The following SCGB2B2 variants were observed in gnomAD, a reference collection of about 807,000 sequenced individuals.
SCGB2B2 encodes the protein secretoglobin family 2B member 2.
In SCGB2B2, 11 loss-of-function variants were observed where a neutral mutation model predicts 7.6. The observed-to-expected ratio is 1.45, with a 90% CI of 0.91 to 2.40. The LOEUF (loss-of-function observed/expected upper bound fraction) is 2.40. SCGB2B2 is among the 30% of genes most tolerant of loss of function. The probability of loss-of-function intolerance (pLI) is 0.00; values close to 1 mark genes in which losing one functional copy is unlikely to be tolerated. For synonymous variants in SCGB2B2, 50 were observed against 48.6 expected (o/e 1.03, Z -0.12); for missense variants, 104 against 115.4 (o/e 0.90, Z 0.45).
At chr19:34,598,295 G>A (rs1214427391) in intron 1 of SCGB2B2, among the ~76,000 whole-genome samples, 1 of 152,188 alleles carries the variant, frequency 6.6e-6, no homozygotes, top group African/African-American at 2.4e-5. Flanking sequence ...GCGTGGAATG[G>A]GGTCTGTAGG....
intron 1 of SCGB2B2, among the ~76,000 whole-genome samples, chr19:34,643,204 T>C (rs1003819828): frequency 6.6e-6 from 1 of 152,204 alleles, no homozygotes; most frequent in African/African-American, 2.4e-5. Flanking sequence ...GTGGTACATA[T>C]ACACAATGGA....
chr19:34,662,559 A>G (rs898977700), intron 1 of SCGB2B2, among the ~76,000 whole-genome samples: 4 of 152,144 alleles, frequency 2.6e-5, no homozygotes, highest in African/African-American at 9.7e-5. Flanking sequence ...ACATTGATAA[A>G]TTTAATTATA....
intron 1 of SCGB2B2, among the ~76,000 whole-genome samples, chr19:34,672,102 A>G (rs777076679): frequency 6.6e-6 from 1 of 152,158 alleles, no homozygotes; most frequent in Non-Finnish European, 1.5e-5. Context: ...GATGGGGCCA[A>G]TGCACTCCAG....
chr19:34,615,200 G>A (rs1348123007), intron 1 of SCGB2B2, among the ~76,000 whole-genome samples: 1 of 152,164 alleles, frequency 6.6e-6, no homozygotes, highest in Non-Finnish European at 1.5e-5. Context: ...GCCACAGGGA[G>A]CAGGACACAG....
chr19:34,636,512 G>A (rs1397794852), intron 1 of SCGB2B2, among the ~76,000 whole-genome samples: 1 of 152,146 alleles, frequency 6.6e-6, no homozygotes, highest in African/African-American at 2.4e-5. Context: ...AAAACCAACT[G>A]CAACTGAGTA....
Position 34,652,205 on chromosome 19 carries a change from C to A in SCGB2B2, c.-2032+23425G>T, listed in dbSNP as rs1180597323. On this transcript the variant is annotated intron_variant, in intron 1 of 3. Coordinates refer to ENST00000601241, the MANE Select transcript of SCGB2B2 (RefSeq NM_001025591.4). ...AAAACATAGGGGAAATACTACAATA[C>A]TGATCTGGGCAAAGAGTGTATAGTG... Among the ~76,000 whole-genome samples, 3 of 151,324 alleles carry A rather than the reference C, an allele frequency of 2.0e-5. No homozygotes were observed. The East Asian group carries it at 5.8e-4, about 29-fold the overall frequency.
chr19:34,604,793 GC>G (rs1302041765), intron 1 of SCGB2B2, among the ~76,000 whole-genome samples: 1 of 152,018 alleles, frequency 6.6e-6, no homozygotes, highest in East Asian at 1.9e-4. Context: ...ATTATTACAT[GC>G]CTTATTCTAT....
At chr19:34,667,061 T>C (rs866223597) in intron 1 of SCGB2B2, among the ~76,000 whole-genome samples, 23 of 152,000 alleles carry the variant, frequency 1.5e-4, no homozygotes, top group African/African-American at 4.8e-4. Context: ...CAGGCCGTCA[T>C]GCAGCAGGCC....
intron 1 of SCGB2B2, chr19:34,632,086 A>T (rs1483370932): frequency 3.3e-5 from 5 of 152,220 alleles, no homozygotes; most frequent in African/African-American, 1.2e-4. Context: ...ACAACACTGT[A>T]AAGCTGTGAC....
chr19:34,658,446 A>T (rs1043321793), intron 1 of SCGB2B2, among the ~76,000 whole-genome samples: 6 of 152,164 alleles, frequency 3.9e-5, no homozygotes. Flanking sequence ...AGAAATATAA[A>T]CTACCATCAG....
chr19:34,607,055 C>T (rs1287208423), intron 1 of SCGB2B2, among the ~76,000 whole-genome samples: 2 of 152,208 alleles, frequency 1.3e-5, no homozygotes, highest in Non-Finnish European at 2.9e-5. Context: ...CCCCCGGCTA[C>T]ACTTTGCCCC....
At chr19:34,668,693 G>A (rs1192746752) in intron 1 of SCGB2B2, among the ~76,000 whole-genome samples, 2 of 151,810 alleles carry the variant, frequency 1.3e-5, no homozygotes, top group African/African-American at 4.9e-5. Flanking sequence ...CTAGCTCAGG[G>A]TTTGTGAATG....
downstream of SCGB2B2, among the ~76,000 whole-genome samples, chr19:34,586,163 CT>C (rs1377388995): frequency 2.0e-5 from 3 of 152,144 alleles, no homozygotes; most frequent in African/African-American, 4.8e-5. Context: ...AAGTAAATGT[CT>C]CTTTTTAATG....
intron 1 of SCGB2B2, among the ~76,000 whole-genome samples, chr19:34,652,931 A>G (rs1376320451): frequency 6.6e-6 from 1 of 151,470 alleles, no homozygotes; most frequent in Non-Finnish European, 1.5e-5. Context: ...ACTGTTCACA[A>G]TGGACAAAAC....
chr19:34,652,443 G>A lies in SCGB2B2; in HGVS notation c.-2032+23187C>T, dbSNP rs144057829. ...ACACAAGAAACTCAAACAATTCAAT[G>A]TCAAGAAGAAAAACTACAAGTAATC... On this transcript the variant is annotated intron_variant, in intron 1 of 3. Transcript: ENST00000601241. Among the ~76,000 whole-genome samples, 4 of 151,368 alleles carry A rather than the reference G, an allele frequency of 2.6e-5. No individual in the cohort carries two copies. The East Asian group carries it at 5.8e-4, about 22-fold the overall frequency.
At position 34,593,526 on chromosome 19, in the gene SCGB2B2, C is replaced by T; in HGVS notation, c.*29G>A. 1 of 1,536,396 alleles carries T rather than the reference C, an allele frequency of 6.5e-7. No individual in the cohort carries two copies. The highest frequency in any genetic ancestry group is 2.0e-4 in the Middle Eastern group (1 of 4,948). On this transcript the variant is annotated 3_prime_UTR_variant, in exon 4 of 4. Coordinates refer to ENST00000601241, the MANE Select transcript of SCGB2B2 (RefSeq NM_001025591.4). Reference sequence around the variant, plus strand: ...GGGAGCCCCAAGGAAGGCAGGAGGGCCAATATCTGATCTGCAGGGGTCCTC... The same window carrying T: ...GGGAGCCCCAAGGAAGGCAGGAGGGTCAATATCTGATCTGCAGGGGTCCTC...
At position 34,596,123 on chromosome 19, in the gene SCGB2B2, C is replaced by G. The variant is rs1216592145; in HGVS notation, c.-1560G>C. 1 of 152,288 alleles carries G rather than the reference C, an allele frequency of 6.6e-6. No individual in the cohort carries two copies. Among genetic ancestry groups the G allele is most frequent in the Non-Finnish European group, 1.5e-5 (1 of 68,080 alleles). 9.4% of individuals were successfully genotyped at this position (152,288 alleles called of 1,614,324 possible). A position where few individuals can be genotyped will look rare whatever the true frequency, so the allele number is the denominator to read the frequency against. ...GGACTTGGGCCTCTTAAAGGACCTA[C>G]CCAGCATTGGGTAGGACTTAGAGTG... On this transcript the variant is annotated 5_prime_UTR_variant, in exon 2 of 4. Transcript: ENST00000601241.
Position 34,663,768 on chromosome 19 carries a change from G to A in SCGB2B2, c.-2032+11862C>T, listed in dbSNP as rs1382737694. ...CCATGGGAGGAGGGAAAGGGAGAAA[G>A]GGAAAGTGAAGGGGAGGATAAATGA... On this transcript the variant is annotated intron_variant, in intron 1 of 3. Transcript: ENST00000601241. 2.6e-5 allele frequency among the ~76,000 whole-genome samples: 4 copies of A among 152,024 alleles called. No homozygotes were observed. The East Asian group carries it at 7.7e-4, about 29-fold the overall frequency.
At chr19:34,637,841 T>C (rs1260604339) in intron 1 of SCGB2B2, 6 of 152,168 alleles carry the variant, frequency 3.9e-5, no homozygotes, top group Non-Finnish European at 8.8e-5. Flanking sequence ...AATTGACAGA[T>C]GGATTTCTCT....
Sources: allele counts gnomAD v4.1 joint callset (sites outside exome capture counted in the v4.1 genomes callset), GRCh38; gene constraint gnomAD v4.1.1; transcripts MANE v1.5; gene names NCBI Gene and HGNC (gene_info 2026-07-23, HGNC 2026-07-21).